ACBD6: variants seen among roughly 807,000 people sequenced by gnomAD.
ACBD6 encodes acyl-CoA-binding domain-containing protein 6.
In ACBD6, 28 loss-of-function variants were observed where a neutral mutation model predicts 37.2. That is an observed-to-expected ratio of 0.75 (90% CI 0.56 to 1.03). The LOEUF (loss-of-function observed/expected upper bound fraction) is 1.03. Ranked by LOEUF, ACBD6 falls within the 50% of genes least tolerant of loss-of-function variation. The pLI is 0.00. For missense variants in ACBD6, 340 were observed against 337.4 expected, an observed-to-expected ratio of 1.01 and a Z score of -0.06; for synonymous variants, 113 against 126.8, an observed-to-expected ratio of 0.89 and a Z score of 0.73.
intron 6 of ACBD6, among the ~76,000 whole-genome samples, chr1:180,377,469 G>A (rs1467602207): frequency 6.6e-6 from 1 of 152,190 alleles, no homozygotes; most frequent in African/African-American, 2.4e-5. Context: ...TGGAGAAATG[G>A]TTGGTGCCAG....
chr1:180,430,473 A>G (rs1366967940), intron 3 of ACBD6, among the ~76,000 whole-genome samples: 1 of 152,148 alleles, frequency 6.6e-6, no homozygotes, highest in Admixed American at 6.5e-5. Flanking sequence ...CTGGCTGGCA[A>G]TCTAAGGTAT....
rs1295324755 is a variant in ACBD6 at position 180,432,944 on chromosome 1, G to C, written c.385-2682C>G. Among the ~76,000 whole-genome samples, 4 of 150,170 alleles carry C rather than the reference G, an allele frequency of 2.7e-5. 1 individual carries two copies. In the East Asian group the frequency reaches 7.8e-4, roughly 29 times the overall value. On this transcript the variant is annotated intron_variant, in intron 3 of 7. Transcript: ENST00000367595. ...AAACTTCCCTACAAAGAAAAGCCCA[G>C]AACCAGATCACTTCACTGGAGAATT...
At chr1:180,322,860 C>T (rs1651126251) in intron 6 of ACBD6, among the ~76,000 whole-genome samples, 2 of 150,978 alleles carry the variant, frequency 1.3e-5, no homozygotes, top group African/African-American at 4.8e-5. Context: ...TTTATTTCTG[C>T]TCTGATTTTT....
intron 3 of ACBD6, among the ~76,000 whole-genome samples, chr1:180,444,166 TAG>T (rs1367168151): frequency 6.6e-6 from 1 of 152,008 alleles, no homozygotes; most frequent in Non-Finnish European, 1.5e-5. Flanking sequence ...AGTTGTATAT[TAG>T]GTTATTTTCA....
chr1:180,448,168 T>C (rs1289902497), intron 3 of ACBD6, among the ~76,000 whole-genome samples: 1 of 152,194 alleles, frequency 6.6e-6, no homozygotes, highest in Non-Finnish European at 1.5e-5. Context: ...AATGGCCTTG[T>C]AAAATGGTAT....
chr1:180,299,227 T>G (rs1441671823), intron 7 of ACBD6, among the ~76,000 whole-genome samples: 1 of 152,222 alleles, frequency 6.6e-6, no homozygotes, highest in Non-Finnish European at 1.5e-5. Context: ...TTCAGAAATG[T>G]GTACTCTGCC....
intron 7 of ACBD6, among the ~76,000 whole-genome samples, chr1:180,311,740 C>A (rs560699485): frequency 6.6e-6 from 1 of 152,194 alleles, no homozygotes; most frequent in Admixed American, 6.5e-5. Flanking sequence ...CATCACTGAC[C>A]TGGGAAGACA....
chr1:180,292,034 T>C (rs1649728029), intron 7 of ACBD6, among the ~76,000 whole-genome samples: 1 of 152,208 alleles, frequency 6.6e-6, no homozygotes, highest in African/African-American at 2.4e-5. Context: ...GTTCCTTTGA[T>C]CTATATACCT....
intron 6 of ACBD6, among the ~76,000 whole-genome samples, chr1:180,359,224 G>C (rs1159982109): frequency 6.6e-6 from 1 of 152,086 alleles, no homozygotes. Flanking sequence ...AGCACAAAGC[G>C]ACTGATAACT....
At chr1:180,342,520 A>G (rs530727833) in intron 6 of ACBD6, among the ~76,000 whole-genome samples, 1 of 152,292 alleles carries the variant, frequency 6.6e-6, no homozygotes, top group African/African-American at 2.4e-5. Flanking sequence ...GAACATAATT[A>G]TTTGGAATGA....
chr1:180,391,985 T>C (rs543237433), intron 6 of ACBD6, among the ~76,000 whole-genome samples: 3 of 152,250 alleles, frequency 2.0e-5, no homozygotes, highest in Middle Eastern at 6.8e-3. Context: ...AGGGAACAAT[T>C]GATACATGTA....
At chr1:180,434,859 G>A in intron 3 of ACBD6, 2 of 753,506 alleles carry the variant, frequency 2.7e-6, no homozygotes, top group Non-Finnish European at 4.9e-6. Flanking sequence ...TCTTCACCAA[G>A]GGTTATGGAT....
At chr1:180,390,960 G>A (rs1298442096) in intron 6 of ACBD6, among the ~76,000 whole-genome samples, 1 of 151,946 alleles carries the variant, frequency 6.6e-6, no homozygotes, top group Non-Finnish European at 1.5e-5. Context: ...AAGACTGTGT[G>A]GTATTAACAT....
At chr1:180,388,631 CAG>C (rs1653944795) in intron 6 of ACBD6, among the ~76,000 whole-genome samples, 1 of 151,252 alleles carries the variant, frequency 6.6e-6, no homozygotes, top group African/African-American at 2.4e-5. Flanking sequence ...TGTAGCAATA[CAG>C]AGTCACTATG....
chr1:180,345,855 C>T (rs1315390904), intron 6 of ACBD6, among the ~76,000 whole-genome samples: 4 of 151,818 alleles, frequency 2.6e-5, no homozygotes, highest in Middle Eastern at 3.4e-3. Context: ...TTAACTTTTC[C>T]GTATATTCTG....
chr1:180,461,195 A>G (rs1650132388), intron 3 of ACBD6, among the ~76,000 whole-genome samples: 2 of 152,180 alleles, frequency 1.3e-5, no homozygotes, highest in Non-Finnish European at 2.9e-5. Context: ...GCAGACAAAA[A>G]TAGAGAAAAA....
chr1:180,435,189 G>A (rs59566396), intron 3 of ACBD6: 7,853 of 685,038 alleles, frequency 0.011, 415 homozygotes, highest in Admixed American at 0.092. Context: ...TTTCAACATC[G>A]CTGGCCTTTC....
intron 6 of ACBD6, among the ~76,000 whole-genome samples, chr1:180,377,988 T>C (rs1239280118): frequency 2.0e-5 from 3 of 146,754 alleles, no homozygotes; most frequent in Non-Finnish European, 4.5e-5. Context: ...ATAATAGCCA[T>C]AAGTTTGAGG....
chr1:180,282,375 T>A (rs984714374), intron 8 of ACBD6, among the ~76,000 whole-genome samples: 2 of 151,890 alleles, frequency 1.3e-5, no homozygotes, highest in African/African-American at 4.8e-5. Flanking sequence ...TTGGCACACA[T>A]TTGGAGTTGG....
Sources: gnomAD v4.1 joint callset for allele counts (sites outside exome capture counted in the v4.1 genomes callset) on GRCh38, gnomAD v4.1.1 for gene constraint, MANE v1.5 for transcripts, NCBI Gene and HGNC (gene_info 2026-07-23, HGNC 2026-07-21) for gene names.